Variants in WDR72 observed in about 807,000 individuals in gnomAD.
WDR72 encodes the protein WD repeat domain 72.
In WDR72, 120 loss-of-function variants were observed where a neutral mutation model predicts 124.2. The observed-to-expected ratio is 0.97, with a 90% CI of 0.83 to 1.12. The LOEUF (loss-of-function observed/expected upper bound fraction) is 1.12, where lower values mean the gene tolerates loss of function less well. WDR72 is among the 50% of genes most tolerant of loss of function. The pLI is 0.00. For synonymous variants in WDR72, 452 were observed against 441.7 expected, an observed-to-expected ratio of 1.02 and a Z score of -0.29; for missense variants, 1,387 against 1,278.8, an observed-to-expected ratio of 1.08 and a Z score of -1.29.
intron 13 of WDR72, among the ~76,000 whole-genome samples, chr15:53,683,716 GGAGA>G (rs142068467): frequency 3.7e-4 from 56 of 152,074 alleles, no homozygotes; most frequent in African/African-American, 6.3e-4. Flanking sequence ...GAACCACACA[GGAGA>G]GAGAGAAAGA....
At position 53,733,171 on chromosome 15, in the gene WDR72, A is replaced by G; in HGVS notation, c.-12-10T>C. 3 of 1,613,524 alleles carry G rather than the reference A, an allele frequency of 1.9e-6. No individual in the cohort carries two copies. Among genetic ancestry groups the G allele is most frequent in the Non-Finnish European group, 2.5e-6 (3 of 1,179,908 alleles). ...TCATTTTGGGCGAATCCTGACATACAAAGAAGGGAAGAAGCATACATGGTC... is the reference window on the plus strand; with the variant it reads ...TCATTTTGGGCGAATCCTGACATACGAAGAAGGGAAGAAGCATACATGGTC... On this transcript the variant is annotated splice_polypyrimidine_tract_variant and intron_variant, in intron 1 of 19. Transcript: ENST00000360509.
At chr15:53,556,368 C>A (rs1893932859) in intron 18 of WDR72, among the ~76,000 whole-genome samples, 1 of 152,048 alleles carries the variant, frequency 6.6e-6, no homozygotes, top group Non-Finnish European at 1.5e-5. Flanking sequence ...CATTCTGTTG[C>A]AAATAAGTCA....
intron 13 of WDR72, among the ~76,000 whole-genome samples, chr15:53,683,915 T>C (rs1254728047): frequency 6.6e-6 from 1 of 152,100 alleles, no homozygotes. Context: ...TAACAGGAGT[T>C]CTTAACCTTT....
upstream of WDR72, among the ~76,000 whole-genome samples, chr15:53,761,300 C>T (rs780964159): frequency 1.3e-5 from 2 of 152,026 alleles, no homozygotes; most frequent in African/African-American, 4.8e-5. Context: ...CGGCTCATAT[C>T]CAAAAGACAG....
intron 2 of WDR72, among the ~76,000 whole-genome samples, chr15:53,731,269 A>G (rs950228191): frequency 4.0e-5 from 6 of 151,814 alleles, no homozygotes; most frequent in African/African-American, 7.3e-5. Flanking sequence ...TTTCACACCT[A>G]GGTTAAGGCA....
chr15:53,567,860 ATTT>A (rs1894357169), intron 18 of WDR72, among the ~76,000 whole-genome samples: 1 of 151,620 alleles, frequency 6.6e-6, no homozygotes, highest in Admixed American at 6.6e-5. Flanking sequence ...ATTAAACCAA[ATTT>A]TTTATTTTAT....
At chr15:53,607,788 AG>A (rs2013352243) in intron 17 of WDR72, among the ~76,000 whole-genome samples, 1 of 152,180 alleles carries the variant, frequency 6.6e-6, no homozygotes. Context: ...CAGAGTATAC[AG>A]GGAGCTCAAA....
chr15:53,710,354 T>C (rs908875794), intron 9 of WDR72, among the ~76,000 whole-genome samples: 186 of 148,792 alleles, frequency 1.3e-3, no homozygotes, highest in African/African-American at 4.5e-3. Context: ...TTTGTACGTA[T>C]ACACACACAC....
chr15:53,595,225 G>C (rs1394847531), intron 18 of WDR72, among the ~76,000 whole-genome samples: 1 of 152,110 alleles, frequency 6.6e-6, no homozygotes, highest in Non-Finnish European at 1.5e-5. Flanking sequence ...TCAAAAGAGA[G>C]TTAATACCAC....
intron 18 of WDR72, among the ~76,000 whole-genome samples, chr15:53,589,901 A>T (rs1297201372): frequency 6.6e-6 from 1 of 152,070 alleles, no homozygotes; most frequent in East Asian, 1.9e-4. Flanking sequence ...AATCTTTAAG[A>T]TGATACAGAG....
At chr15:53,720,578 T>C (rs2017849730) in intron 3 of WDR72, among the ~76,000 whole-genome samples, 1 of 152,228 alleles carries the variant, frequency 6.6e-6, no homozygotes, top group South Asian at 2.1e-4. Flanking sequence ...GCCCCAATTT[T>C]TCAAAAGTGT....
At chr15:53,635,669 A>G (rs2014595653) in intron 14 of WDR72, among the ~76,000 whole-genome samples, 1 of 152,094 alleles carries the variant, frequency 6.6e-6, no homozygotes, top group Non-Finnish European at 1.5e-5. Context: ...GATGGAAACA[A>G]CAGACACTGT....
intron 1 of WDR72, among the ~76,000 whole-genome samples, chr15:53,742,842 A>G (rs1353094062): frequency 6.6e-6 from 1 of 152,236 alleles, no homozygotes; most frequent in African/African-American, 2.4e-5. Flanking sequence ...TCTTAGTACT[A>G]AGTATATTTT....
At chr15:53,646,847 T>A in intron 14 of WDR72, among the ~76,000 whole-genome samples, 1 of 151,554 alleles carries the variant, frequency 6.6e-6, no homozygotes, top group South Asian at 2.1e-4. Context: ...GCCAAATAGG[T>A]GTAATAAAAA....
At chr15:53,676,888 T>C (rs1360909039) in intron 13 of WDR72, among the ~76,000 whole-genome samples, 9 of 152,026 alleles carry the variant, frequency 5.9e-5, no homozygotes, top group Admixed American at 4.6e-4. Context: ...TCAAATATTT[T>C]AGTCATTCTT....
At chr15:53,551,519 T>A (rs1344875748) in intron 18 of WDR72, among the ~76,000 whole-genome samples, 3 of 152,124 alleles carry the variant, frequency 2.0e-5, no homozygotes, top group Non-Finnish European at 4.4e-5. Context: ...AGGAAGAAAG[T>A]CATATCTCCC....
intron 13 of WDR72, among the ~76,000 whole-genome samples, 173 bp from the exon 14 acceptor site, chr15:53,665,941 T>G (rs1391175790): frequency 6.6e-6 from 1 of 152,216 alleles, no homozygotes; most frequent in Non-Finnish European, 1.5e-5. Flanking sequence ...AAACACTTGC[T>G]CATAAAGTCT....
chr15:53,659,670 T>C (rs1283160848), intron 14 of WDR72, among the ~76,000 whole-genome samples: 1 of 149,256 alleles, frequency 6.7e-6, no homozygotes, highest in Non-Finnish European at 1.5e-5. Flanking sequence ...TGCCACAAAA[T>C]GAGAAAAGGG....
chr15:53,716,381 G>C (rs1436614310), intron 4 of WDR72, among the ~76,000 whole-genome samples: 1 of 152,158 alleles, frequency 6.6e-6, no homozygotes, highest in Non-Finnish European at 1.5e-5. Context: ...CTGTTAGAAA[G>C]ATACAAAAAT....
Sources: allele counts gnomAD v4.1 joint callset (sites outside exome capture counted in the v4.1 genomes callset), GRCh38; gene constraint gnomAD v4.1.1; transcripts MANE v1.5; gene names NCBI Gene and HGNC (gene_info 2026-07-23, HGNC 2026-07-21).